SLC38A4: variants seen among roughly 807,000 people sequenced by gnomAD.
SLC38A4 encodes the protein solute carrier family 38 member 4.
SLC38A4 carries 20 observed loss-of-function variants against 63.1 expected under a neutral mutation model. That is an observed-to-expected ratio of 0.32 (90% CI 0.22 to 0.46). SLC38A4 has a LOEUF of 0.46. SLC38A4 is among the 20% of genes least tolerant of loss of function. The probability of loss-of-function intolerance (pLI) is 1.00; values close to 1 mark genes in which losing one functional copy is unlikely to be tolerated. For synonymous variants in SLC38A4, 230 were observed against 225.5 expected (o/e 1.02, Z -0.18); for missense variants, 526 against 663.6 (o/e 0.79, Z 2.28).
At chr12:46,828,242 C>G (rs1939685868), upstream of SLC38A4, among the ~76,000 whole-genome samples, 2 of 152,112 alleles carry the variant, frequency 1.3e-5, no homozygotes, top group South Asian at 4.1e-4. Flanking sequence ...GTTCTCTGAC[C>G]CCTTTCCTAA....
intron 5 of SLC38A4, among the ~76,000 whole-genome samples, chr12:46,786,744 T>C (rs1023197759): frequency 6.6e-6 from 1 of 152,122 alleles, no homozygotes; most frequent in Non-Finnish European, 1.5e-5. Context: ...CTGAAGAATA[T>C]TATACATAAA....
At chr12:46,793,759 G>C (rs1406444831) in intron 2 of SLC38A4, among the ~76,000 whole-genome samples, 2 of 152,118 alleles carry the variant, frequency 1.3e-5, no homozygotes, top group Non-Finnish European at 2.9e-5. Flanking sequence ...GTTAAGAATA[G>C]TAACAAAAGA....
At chr12:46,815,618 T>C (rs934479270) in intron 1 of SLC38A4, among the ~76,000 whole-genome samples, 1 of 151,822 alleles carries the variant, frequency 6.6e-6, no homozygotes, top group African/African-American at 2.4e-5. Flanking sequence ...CTCCATAAAA[T>C]CGCCTAGGCA....
At chr12:46,795,401 C>A (rs1280975053) in intron 2 of SLC38A4, among the ~76,000 whole-genome samples, 1 of 151,946 alleles carries the variant, frequency 6.6e-6, no homozygotes, top group Non-Finnish European at 1.5e-5. Context: ...ATAGTATGCC[C>A]TAAAGACAAA....
intron 3 of SLC38A4, among the ~76,000 whole-genome samples, chr12:46,790,277 T>G (rs1938857430): frequency 6.6e-6 from 1 of 152,146 alleles, no homozygotes; most frequent in African/African-American, 2.4e-5. Context: ...CAAAGTTGTA[T>G]GTGCTTTTCT....
upstream of SLC38A4, among the ~76,000 whole-genome samples, chr12:46,827,622 C>T (rs914621309): frequency 2.0e-5 from 3 of 151,992 alleles, no homozygotes; most frequent in African/African-American, 7.2e-5. Flanking sequence ...AAAAATATAG[C>T]CATTAAAAAC....
chr12:46,791,375 GTTT>G (rs1207421639), intron 3 of SLC38A4, among the ~76,000 whole-genome samples: 1 of 152,092 alleles, frequency 6.6e-6, no homozygotes, highest in African/African-American at 2.4e-5. Context: ...GCACCCTAGT[GTTT>G]CTTCAAGGGT....
Position 46,773,576 on chromosome 12 carries a change from T to C in SLC38A4, c.1299+1473A>G, listed in dbSNP as rs371801766. On this transcript the variant is annotated intron_variant, in intron 14 of 16. Transcript: ENST00000266579. ...TTGCTGTTCCTGATGGTCAGATTTA[T>C]ATCAGTGCTTTATTTCTCACATAGG... 2.0e-5 allele frequency among the ~76,000 whole-genome samples: 3 copies of C among 152,250 alleles called. No individual in the cohort carries two copies. In the East Asian group the frequency reaches 5.8e-4, roughly 30 times the overall value.
At chr12:46,794,788 A>G (rs181194413) in intron 2 of SLC38A4, among the ~76,000 whole-genome samples, 188 of 152,100 alleles carry the variant, frequency 1.2e-3, no homozygotes, top group Middle Eastern at 0.01. Flanking sequence ...CAAAACAGAA[A>G]GAGATAATGG....
chr12:46,778,752 G>A lies in SLC38A4; in HGVS notation c.742C>T (p.Pro248Ser). 6.2e-7 allele frequency: 1 copy of A among 1,611,730 alleles called. No homozygotes were observed. The highest frequency in any genetic ancestry group is 8.5e-7 in the Non-Finnish European group (1 of 1,178,622). ...SVVIYKKFQI[P>S]CPLPVLDHSV... ...TGATCCAAAACAGGTAGAGGGCAGG[G>A]TATTTGGAATTTCTTGTAAATCACC... Residue 248 changes from proline to serine, a missense_variant, in exon 11 of 17, where the codon CCC (proline) becomes TCC (serine). Physicochemically the swap from Pro to Ser is moderately conservative, Grantham distance 74 (BLOSUM62 -1). Transcript: ENST00000266579.
chr12:46,770,380 A>G (rs1328890525), intron 14 of SLC38A4, among the ~76,000 whole-genome samples: 1 of 151,974 alleles, frequency 6.6e-6, no homozygotes, highest in East Asian at 1.9e-4. Context: ...CTCCCTATCA[A>G]TAGATTGTAA....
intron 1 of SLC38A4, among the ~76,000 whole-genome samples, chr12:46,817,920 A>G (rs1592196718): frequency 6.6e-6 from 1 of 151,960 alleles, no homozygotes; most frequent in African/African-American, 2.4e-5. Context: ...AATAAAGGTT[A>G]TATGTTCTTT....
intron 12 of SLC38A4, 89 bp downstream of exon 12, chr12:46,778,200 C>A: frequency 7.9e-7 from 1 of 1,263,608 alleles, no homozygotes; most frequent in East Asian, 2.3e-5. Context: ...GAAGAGGAAG[C>A]TATAAACTGT....
In SLC38A4 at chr12:46,777,002, C is replaced by G. The variant is rs1311032019; in HGVS notation, c.1076G>C (p.Arg359Pro). 4.4e-6 allele frequency: 7 copies of G among 1,607,720 alleles called. No individual in the cohort carries two copies. The African/African-American group carries it at 6.7e-5, about 15-fold the overall frequency. ...CACCGTTTGCATTTTTCTCCGGGACCGACTGGAAAAAGAAAGAACACCAAG... is the reference window on the plus strand; with the variant it reads ...CACCGTTTGCATTTTTCTCCGGGACGGACTGGAAAAAGAAAGAACACCAAG... ...VLPIYSELKD[R>P]SRRKMQTVSN... The change falls in exon 13 of 17, where the codon CGG becomes CCG. Residue 359 changes from arginine to proline, a missense_variant and splice_region_variant. Arg to Pro is a moderately radical substitution (Grantham distance 103). Transcript: ENST00000266579.
At chr12:46,772,713 T>G (rs1199115286) in intron 14 of SLC38A4, among the ~76,000 whole-genome samples, 6 of 151,974 alleles carry the variant, frequency 3.9e-5, no homozygotes, top group Admixed American at 1.3e-4. Flanking sequence ...AGATAATAAA[T>G]GAAGTAGAGA....
At chr12:46,801,273 G>C (rs78803796) in intron 2 of SLC38A4, among the ~76,000 whole-genome samples, 9,759 of 152,146 alleles carry the variant, frequency 0.064, 359 homozygotes, top group Middle Eastern at 0.12. Context: ...ACATTGTAAT[G>C]TCTTGTTCTT....
chr12:46,790,070 CTCTG>C (rs35826321), intron 3 of SLC38A4, among the ~76,000 whole-genome samples: 19,484 of 152,088 alleles, frequency 0.13, 1,893 homozygotes, highest in African/African-American at 0.27. Flanking sequence ...AAGAGTGAAA[CTCTG>C]TCTGTCTCAA....
chr12:46,804,876 C>T (rs544622228), intron 1 of SLC38A4, among the ~76,000 whole-genome samples: 1 of 151,832 alleles, frequency 6.6e-6, no homozygotes, highest in Non-Finnish European at 1.5e-5. Context: ...AGGGAAATCT[C>T]AAAAAAATTC....
chr12:46,779,562 A>G, intron 10 of SLC38A4, 49 bp downstream of exon 10: 1 of 1,500,946 alleles, frequency 6.7e-7, no homozygotes, highest in Non-Finnish European at 9.0e-7. Flanking sequence ...TAGGCACAAA[A>G]AAACTCATGC....
Sources: gnomAD v4.1 joint callset for allele counts (sites outside exome capture counted in the v4.1 genomes callset) on GRCh38, gnomAD v4.1.1 for gene constraint, MANE v1.5 for transcripts, NCBI Gene and HGNC (gene_info 2026-07-23, HGNC 2026-07-21) for gene names.